The following FAM13B variants were observed in gnomAD, a reference collection of about 807,000 sequenced individuals.
FAM13B encodes the protein protein FAM13B.
In FAM13B, 60 loss-of-function variants were observed where a neutral mutation model predicts 117.3. The observed-to-expected ratio is 0.51, with a 90% CI of 0.42 to 0.63. The LOEUF (loss-of-function observed/expected upper bound fraction) is 0.63, where lower values mean the gene tolerates loss of function less well. Among genes scored for constraint, FAM13B ranks in the 30% least tolerant of loss-of-function variants. FAM13B has a pLI of 0.00. For synonymous variants in FAM13B, 332 were observed against 356.1 expected (o/e 0.93, Z 0.76); for missense variants, 972 against 1,091.9 (o/e 0.89, Z 1.55).
intron 10 of FAM13B, among the ~76,000 whole-genome samples, chr5:137,968,121 C>T (rs1311821350): frequency 6.7e-6 from 1 of 149,980 alleles, no homozygotes; most frequent in African/African-American, 2.5e-5. Context: ...ACTCGGGAGG[C>T]TGAGGCAGGA....
chr5:137,960,233 T>C lies in FAM13B; in HGVS notation c.1245-19A>G, dbSNP rs748279525. The stretch of plus-strand genomic sequence containing the variant: ...TTCTTCCCTAAAAATACAAGTAAAG[T>C]TGTTAGTATATTAAGAATAAAAAGG... On this transcript the variant is annotated intron_variant, in intron 11 of 23. Transcript: ENST00000689681. 2.2e-6 allele frequency: 3 copies of C among 1,395,300 alleles called. No individual in the cohort carries two copies. The highest frequency in any genetic ancestry group is 1.2e-5 in the South Asian group (1 of 80,178). 86.4% of individuals were successfully genotyped at this position (1,395,300 alleles called of 1,614,324 possible).
At chr5:137,977,075 C>T (rs1774240412) in intron 10 of FAM13B, among the ~76,000 whole-genome samples, 1 of 152,122 alleles carries the variant, frequency 6.6e-6, no homozygotes, top group Non-Finnish European at 1.5e-5. Flanking sequence ...AGAGAATGCA[C>T]CCCTGAGGGT....
intron 20 of FAM13B, among the ~76,000 whole-genome samples, 194 bp downstream of exon 20, chr5:137,945,708 A>G (rs570840056): frequency 1.3e-5 from 2 of 152,360 alleles, no homozygotes; most frequent in South Asian, 4.1e-4. Flanking sequence ...ATACATAAAA[A>G]TGCTTACACA....
chr5:137,959,417 C>CTA (rs1388357399), intron 13 of FAM13B, among the ~76,000 whole-genome samples, 199 bp downstream of exon 13: 1 of 152,156 alleles, frequency 6.6e-6, no homozygotes, highest in Admixed American at 6.5e-5. Context: ...ACAAGAACTT[C>CTA]TAGTTCATAT....
At chr5:137,979,988 C>G (rs1191462427) in intron 10 of FAM13B, among the ~76,000 whole-genome samples, 1 of 132,810 alleles carries the variant, frequency 7.5e-6, no homozygotes, top group African/African-American at 2.8e-5. Flanking sequence ...AAGGAGAAAT[C>G]CTGTCTCTAC....
Position 137,949,293 on chromosome 5 carries a change from C to T in FAM13B, c.1931-109G>A, listed in dbSNP as rs962364090. 15 of 794,254 alleles carry T rather than the reference C, an allele frequency of 1.9e-5. No homozygotes were observed. In the African/African-American group the frequency reaches 2.4e-4, roughly 13 times the overall value. 49.2% of individuals were successfully genotyped at this position (794,254 alleles called of 1,614,324 possible). A position where few individuals can be genotyped will look rare whatever the true frequency, so the allele number is the denominator to read the frequency against. On this transcript the variant is annotated intron_variant, in intron 17 of 23. Coordinates refer to ENST00000689681, the MANE Select transcript of FAM13B (RefSeq NM_001385994.1). ...AAAGTATACATTAACAGCACACAGA[C>T]TTAGATATTTCAAAGCCAAATAAAA... is the stretch of plus-strand genomic sequence containing the variant.
rs577880146 is a variant in FAM13B at position 138,047,228 on chromosome 5, C to T, written c.-203+4650G>A. 1.3e-4 allele frequency among the ~76,000 whole-genome samples: 20 copies of T among 151,176 alleles called. 1 individual carries two copies. The highest frequency in any genetic ancestry group is 1.2e-3 in the East Asian group (6 of 5,066). On this transcript the variant is annotated intron_variant, in intron 1 of 3. Transcript: ENST00000502471. ...GTCCCAAAGATGTCCACATTCAGACCGGGCGCGGTGGCTCATACCTGTAAT... is the reference window on the plus strand; with the variant it reads ...GTCCCAAAGATGTCCACATTCAGACTGGGCGCGGTGGCTCATACCTGTAAT...
intron 1 of FAM13B, among the ~76,000 whole-genome samples, chr5:138,041,027 G>T (rs1370066388): frequency 1.4e-5 from 2 of 142,552 alleles, no homozygotes; most frequent in Non-Finnish European, 3.0e-5. Context: ...TTGCGCCACT[G>T]CACTCCAGCC....
intron 18 of FAM13B, among the ~76,000 whole-genome samples, chr5:137,947,219 C>T (rs995322905): frequency 1.3e-5 from 2 of 152,176 alleles, no homozygotes; most frequent in Non-Finnish European, 2.9e-5. Flanking sequence ...CTCATTAATA[C>T]CACCCTGGTC....
chr5:137,972,981 A>G (rs1772731985), intron 10 of FAM13B, among the ~76,000 whole-genome samples: 1 of 151,918 alleles, frequency 6.6e-6, no homozygotes, highest in Admixed American at 6.6e-5. Flanking sequence ...ATGGAAGAAC[A>G]TTCCATGCTC....
In FAM13B at chr5:138,007,049, C is replaced by T. The variant is rs779763466; in HGVS notation, c.789G>A (p.Glu263=). ...TTTCAGTCATCCTTAATTGTACCAC[C>T]TCTGGCATGTCATTTGATTTTTCTG... is the stretch of plus-strand genomic sequence containing the variant. ...EGAEKSNDMP[E]VVQLRMTENI... is the part of the protein sequence containing the mutation. The change falls in exon 7 of 24, where the codon GAG becomes GAA. Residue 263 remains glutamate, a synonymous_variant. Coordinates refer to ENST00000689681, the MANE Select transcript of FAM13B (RefSeq NM_001385994.1). 5 of 1,613,350 alleles carry T rather than the reference C, an allele frequency of 3.1e-6. No individual in the cohort carries two copies. The African/African-American group carries it at 6.7e-5, about 22-fold the overall frequency.
chr5:137,950,109 CAT>C (rs1377688710), intron 17 of FAM13B, among the ~76,000 whole-genome samples: 5 of 152,090 alleles, frequency 3.3e-5, no homozygotes, highest in Non-Finnish European at 7.4e-5. Context: ...TCTTGTGGAG[CAT>C]ATATTCAGAG....
chr5:138,027,056 G>A (rs1788621680), intron 1 of FAM13B, among the ~76,000 whole-genome samples: 1 of 152,062 alleles, frequency 6.6e-6, no homozygotes, highest in Admixed American at 6.6e-5. Context: ...AATTTCTAGA[G>A]CCCAGGAGTT....
intron 13 of FAM13B, among the ~76,000 whole-genome samples, chr5:137,956,757 A>C (rs909052727): frequency 6.7e-6 from 1 of 149,760 alleles, no homozygotes; most frequent in Non-Finnish European, 1.5e-5. Context: ...AATGCAAAAA[A>C]GGGGGGGGAA....
chr5:138,015,546 T>C (rs1274772361), intron 4 of FAM13B, among the ~76,000 whole-genome samples: 4 of 152,058 alleles, frequency 2.6e-5, no homozygotes, highest in Non-Finnish European at 5.9e-5. Flanking sequence ...CTACTAAAAA[T>C]ACAAAAAGTA....
intron 4 of FAM13B, among the ~76,000 whole-genome samples, chr5:138,015,415 A>G (rs1448037170): frequency 6.6e-6 from 1 of 152,256 alleles, no homozygotes; most frequent in Non-Finnish European, 1.5e-5. Context: ...CATATTATTT[A>G]TCTACAGCTG....
At chr5:137,945,809 G>A (rs923317005) in intron 20 of FAM13B, 93 bp downstream of exon 20, 157 of 817,520 alleles carry the variant, frequency 1.9e-4, no homozygotes, top group Non-Finnish European at 1.7e-4. Flanking sequence ...TGTCTTGGCT[G>A]TGTATTTCTC....
chr5:138,031,979 G>C (rs1185356395), intron 1 of FAM13B, among the ~76,000 whole-genome samples: 1 of 152,210 alleles, frequency 6.6e-6, no homozygotes, highest in Non-Finnish European at 1.5e-5. Flanking sequence ...TACCATTTTA[G>C]ATTATCAGAT....
chr5:138,036,347 A>C (rs1445096778), upstream of FAM13B: 1 of 455,682 alleles, frequency 2.2e-6, no homozygotes, highest in Non-Finnish European at 4.4e-6. Context: ...GGTCCACAGG[A>C]AGCTCTCAGG....
Sources: allele counts gnomAD v4.1 joint callset (sites outside exome capture counted in the v4.1 genomes callset), GRCh38; gene constraint gnomAD v4.1.1; transcripts MANE v1.5; gene names NCBI Gene and HGNC (gene_info 2026-07-23, HGNC 2026-07-21).